Variants in AHNAK2 observed in about 807,000 individuals in gnomAD.
The protein encoded by AHNAK2 is protein AHNAK2.
A neutral mutation model predicts 30.7 loss-of-function variants in AHNAK2; 18 were observed. The observed-to-expected ratio is 0.59, with a 90% CI of 0.41 to 0.87. AHNAK2 has a LOEUF of 0.87. AHNAK2 is among the 40% of genes least tolerant of loss of function. AHNAK2 has a pLI of 0.00. For missense variants in AHNAK2, 8,604 were observed against 7,373.0 expected (o/e 1.17, Z -6.11); for synonymous variants, 3,590 against 3,073.8 (o/e 1.17, Z -5.56).
rs576902361 is a variant in AHNAK2 at position 104,953,018 on chromosome 14, A to G, written c.2433T>C (p.Asp811=). ...ACAGGTCCCCCTCCAGCCGCGCACC[A>G]TCCAGCTTTGCTCTCGGGGCCTGGA... ...VDVQAPRAKL[D]GARLEGDLSL... is the part of the protein sequence containing the mutation. Residue 811 remains aspartate, a synonymous_variant, in exon 7 of 7, where the codon GAT becomes GAC. Transcript: ENST00000333244. The G allele has an allele frequency of 2.5e-5, 41 of 1,612,556 alleles. No individual in the cohort carries two copies. In the African/African-American group the frequency reaches 4.3e-4, roughly 17 times the overall value.
rs370033379 is a variant in AHNAK2 at position 104,947,812 on chromosome 14, C to T, written c.7639G>A (p.Val2547Met). ...SADLEVQAGQVDVKLPEGPVP... is the reference protein window; with the variant it reads ...SADLEVQAGQMDVKLPEGPVP... ...GGGCCCTCTGGGAGTTTCACGTCCA[C>T]TTGGCCAGCCTGGACCTCCAGGTCA... Residue 2547 changes from valine (V) to methionine (M), a missense_variant, in exon 7 of 7, where the codon GTG (valine) becomes ATG (methionine). Transcript: ENST00000333244. 28 of 1,612,654 alleles carry T rather than the reference C, an allele frequency of 1.7e-5. No homozygotes were observed. In the East Asian group the frequency reaches 2.7e-4, roughly 15 times the overall value.
Position 104,943,791 on chromosome 14 carries a change from G to C in AHNAK2, c.11660C>G (p.Pro3887Arg), listed in dbSNP as rs773729186. The change falls in exon 7 of 7, where the codon CCC (proline) becomes CGC (arginine). Residue 3887 changes from proline to arginine, a missense_variant. Coordinates refer to ENST00000333244, the MANE Select transcript of AHNAK2 (RefSeq NM_138420.4). ...CTTGAAACTGGGCATCTGCACCTTG[G>C]GCAGGTGTCCTTTGAGGCCGGCTTC... ...PEEAGLKGHLPKVQMPSFKMP... is the reference protein window; with the variant it reads ...PEEAGLKGHLRKVQMPSFKMP... The C allele has an allele frequency of 1.2e-6, 2 of 1,613,018 alleles. No homozygotes were observed. Among genetic ancestry groups the C allele is most frequent in the Admixed American group, 3.3e-5 (2 of 59,940 alleles).
chr14:104,945,370 G>T lies in AHNAK2; in HGVS notation c.10081C>A (p.Pro3361Thr). The change falls in exon 7 of 7, where the codon CCT becomes ACT. Residue 3361 changes from proline (P) to threonine (T), a missense_variant. By Grantham distance (38) the Pro-to-Thr change is conservative. Transcript: ENST00000333244. ...GCCTGGACCTCCAGGTCCACAGAAG[G>T]GAGCTGAATGCTGAGGTCAGTGGTC... ...LKTTDLSIQLPSVDLEVQAGQ... is the reference protein window; with the variant it reads ...LKTTDLSIQLTSVDLEVQAGQ... The T allele has an allele frequency of 6.2e-7, 1 of 1,612,676 alleles. No homozygotes were observed. Among genetic ancestry groups the T allele is most frequent in the Non-Finnish European group, 8.5e-7 (1 of 1,179,528 alleles).
At position 104,954,432 on chromosome 14, in the gene AHNAK2, C is replaced by T. The variant is rs1898906559; in HGVS notation, c.1019G>A (p.Gly340Glu). ...ACTCTGGAACCCCCTGCCTGGCTGT[C>T]CTGTCGATGAAGGGCCCTGTCCCGA... is the stretch of plus-strand genomic sequence containing the variant. ...TGSGQGPSST[G>E]QPGRGFQSGV... The change falls in exon 7 of 7, where the codon GGA (glycine) becomes GAA (glutamate). Residue 340 changes from glycine to glutamate, a missense_variant. Gly to Glu is a moderately conservative substitution (Grantham distance 98). Coordinates refer to ENST00000333244, the MANE Select transcript of AHNAK2 (RefSeq NM_138420.4). The surrounding 1 kb of genome is among the most constrained non-coding windows in gnomAD (Gnocchi z 4.3). 6.2e-7 allele frequency: 1 copy of T among 1,612,710 alleles called. No individual in the cohort carries two copies.
rs777426630 is a variant in AHNAK2 at position 104,949,040 on chromosome 14, C to G, written c.6411G>C (p.Gly2137=). ...GGTCCTTGTTGGCCAGGGTCAGGTC[C>G]CCCTGCAGATGCGCACTATCCAGCT... The part of the protein sequence containing the change: ...RAKLDSAHLQ[G]DLTLANKDLT... Residue 2137 remains glycine (G), a synonymous_variant, in exon 7 of 7, where the codon GGG becomes GGC. Transcript: ENST00000333244. 8.4e-6 allele frequency: 9 copies of G among 1,067,214 alleles called. 4 individuals are homozygous for G. In the South Asian group the frequency reaches 1.1e-4, roughly 13 times the overall value. The allele number at this position is 1,067,214 out of a possible 1,614,324, so 66.1% of individuals were successfully genotyped here. A position where few individuals can be genotyped will look rare whatever the true frequency, so the allele number is the denominator to read the frequency against.
At chr14:104,961,988 C>T (rs1480161462) in intron 1 of AHNAK2, among the ~76,000 whole-genome samples, 1 of 152,050 alleles carries the variant, frequency 6.6e-6, no homozygotes, top group Non-Finnish European at 1.5e-5. Context: ...ACAAACAAAC[C>T]AAAAAACACC....
chr14:104,938,542 GT>G lies in AHNAK2; in HGVS notation c.16908del (p.Lys5636AsnfsTer67). The G allele has an allele frequency of 6.2e-7, 1 of 1,613,352 alleles. No individual in the cohort carries two copies. Among genetic ancestry groups the G allele is most frequent in the Non-Finnish European group, 8.5e-7 (1 of 1,179,746 alleles). ...AGCAGACCAGATTTTTTACTTTCTG[GT>G]TTGTCTTTTGGAGCCCTGCCTTCAT... The part of the protein sequence containing the change: ...LADEGRAPKD[K>X]PESKKSGLLW... On this transcript the variant is annotated frameshift_variant, in exon 7 of 7. Transcript: ENST00000333244. LOFTEE classifies it low-confidence loss of function (END_TRUNC).
In AHNAK2 at chr14:104,947,959, G is replaced by A. The variant is rs1595405308; in HGVS notation, c.7492C>T (p.Pro2498Ser). The part of the protein sequence containing the change: ...FKMPSFGVSA[P>S]GKSIEASVDV... ...ACCGAGGCCTCGATGGACTTGCCTG[G>A]GGCAGACACCCCGAATGACGGCATC... The change falls in exon 7 of 7, where the codon CCA becomes TCA. Residue 2498 changes from proline to serine, a missense_variant. Coordinates refer to ENST00000333244, the MANE Select transcript of AHNAK2 (RefSeq NM_138420.4). 4.3e-6 allele frequency: 7 copies of A among 1,612,898 alleles called. No homozygotes were observed. The East Asian group carries it at 6.7e-5, about 15-fold the overall frequency.
intron 1 of AHNAK2, among the ~76,000 whole-genome samples, chr14:104,959,179 A>T (rs1181487563): frequency 6.6e-6 from 1 of 152,030 alleles, no homozygotes; most frequent in Non-Finnish European, 1.5e-5. Flanking sequence ...TACAAAAAAA[A>T]ATTTTTTTTT....
At position 104,945,057 on chromosome 14, in the gene AHNAK2, T is replaced by A; in HGVS notation, c.10394A>T (p.Asp3465Val). Reference protein sequence around the residue: ...LEGDLSLAEKDVTAKDSKFKM... With the variant: ...LEGDLSLAEKVVTAKDSKFKM... Reference sequence around the variant, plus strand: ...GAACTTGCTGTCTTTGGCAGTCACATCCTTTTCAGCCAGGGACAGGTCCCC... The same window carrying A: ...GAACTTGCTGTCTTTGGCAGTCACAACCTTTTCAGCCAGGGACAGGTCCCC... The change falls in exon 7 of 7, where the codon GAT (aspartate) becomes GTT (valine). Residue 3465 changes from aspartate (D) to valine (V), a missense_variant. Physicochemically the swap from Asp to Val is radical, Grantham distance 152. Transcript: ENST00000333244. 1 of 1,612,792 alleles carries A rather than the reference T, an allele frequency of 6.2e-7. No homozygotes were observed. Among genetic ancestry groups the A allele is most frequent in the South Asian group, 1.1e-5 (1 of 91,004 alleles).
Position 104,948,504 on chromosome 14 carries a change from C to T in AHNAK2, c.6947G>A (p.Ser2316Asn). 5 of 1,610,692 alleles carry T rather than the reference C, an allele frequency of 3.1e-6. No homozygotes were observed. Among genetic ancestry groups the T allele is most frequent in the Non-Finnish European group, 4.2e-6 (5 of 1,178,668 alleles). Residue 2316 changes from serine (S) to asparagine (N), a missense_variant, in exon 7 of 7, where the codon AGC becomes AAC. Coordinates refer to ENST00000333244, the MANE Select transcript of AHNAK2 (RefSeq NM_138420.4). ...LADKDVTAKD[S>N]KFKMPKFKML... The stretch of plus-strand genomic sequence containing the variant: ...CTTGAACTTGGGCATTTTGAACTTG[C>T]TGTCTTTGGCAGTCACGTCCTTGTC...
Position 104,938,036 on chromosome 14 carries a change from C to A in AHNAK2, c.*27G>T. On this transcript the variant is annotated 3_prime_UTR_variant, in exon 7 of 7. Transcript: ENST00000333244. ...TACTTTCCAACTTAGTTTTTTGCAT[C>A]TCTCTTGTACTGATGAGCCATACCT... 6.3e-7 allele frequency: 1 copy of A among 1,579,646 alleles called. No homozygotes were observed.
At chr14:104,967,454 G>A (rs1899336970) in intron 1 of AHNAK2, among the ~76,000 whole-genome samples, 1 of 152,230 alleles carries the variant, frequency 6.6e-6, no homozygotes, top group Non-Finnish European at 1.5e-5. Context: ...GCCGGTGAGG[G>A]AGGGTGTCGA....
rs1458883541 is a variant in AHNAK2 at position 104,941,864 on chromosome 14, C to G, written c.13587G>C (p.Leu4529Phe). 1 of 1,613,428 alleles carries G rather than the reference C, an allele frequency of 6.2e-7. No homozygotes were observed. Among genetic ancestry groups the G allele is most frequent in the South Asian group, 1.1e-5 (1 of 91,054 alleles). ...DLEVQAGQVDLKLPEGHMPEV... is the reference protein window; with the variant it reads ...DLEVQAGQVDFKLPEGHMPEV... ...CGGGCATGTGGCCTTCTGGAAGTTT[C>G]AAGTCCACCTGGCCAGCCTGGACCT... is the stretch of plus-strand genomic sequence containing the variant. Residue 4529 changes from leucine to phenylalanine, a missense_variant, in exon 7 of 7, where the codon TTG becomes TTC. Physicochemically the swap from Leu to Phe is conservative, Grantham distance 22. Coordinates refer to ENST00000333244, the MANE Select transcript of AHNAK2 (RefSeq NM_138420.4).
chr14:104,941,996 C>G lies in AHNAK2; in HGVS notation c.13455G>C (p.Ser4485=). The change falls in exon 7 of 7, where the codon TCG becomes TCC. Residue 4485 remains serine (S), a synonymous_variant. Coordinates refer to ENST00000333244, the MANE Select transcript of AHNAK2 (RefSeq NM_138420.4). ...CCATCTTTGGCGCAGACACATCCAC[C>G]GAGACCTCGATGGACTTGCCTGGGG... ...MLSPGKSIEV[S]VDVSAPKMEA... is the part of the protein sequence containing the mutation. 6.2e-7 allele frequency: 1 copy of G among 1,613,542 alleles called. No individual in the cohort carries two copies. Among genetic ancestry groups the G allele is most frequent in the Non-Finnish European group, 8.5e-7 (1 of 1,179,716 alleles).
At chr14:104,964,400 C>A (rs1334562935) in intron 1 of AHNAK2, among the ~76,000 whole-genome samples, 1 of 151,996 alleles carries the variant, frequency 6.6e-6, no homozygotes, top group Non-Finnish European at 1.5e-5. Flanking sequence ...GGTCAGCTGG[C>A]GCAACCACTT....
Position 104,947,563 on chromosome 14 carries a change from G to A in AHNAK2, c.7888C>T (p.Leu2630=), listed in dbSNP as rs1469752345. ...APRAKLDGAR[L]EGDLSLADKG... is the part of the protein sequence containing the mutation. ...TCGGCCAGGGACAGGTCCCCCTCCAGCCGCGCACCATCCAGCTTTGCTCTC... is the reference window on the plus strand; with the variant it reads ...TCGGCCAGGGACAGGTCCCCCTCCAACCGCGCACCATCCAGCTTTGCTCTC... The change falls in exon 7 of 7, where the codon CTG becomes TTG. Residue 2630 remains leucine, a synonymous_variant. Coordinates refer to ENST00000333244, the MANE Select transcript of AHNAK2 (RefSeq NM_138420.4). 1.9e-6 allele frequency: 3 copies of A among 1,612,818 alleles called. No individual in the cohort carries two copies. The South Asian group carries it at 3.3e-5, about 18-fold the overall frequency.
intron 1 of AHNAK2, among the ~76,000 whole-genome samples, chr14:104,961,203 T>C (rs774568850): frequency 1.3e-5 from 2 of 149,652 alleles, no homozygotes; most frequent in Non-Finnish European, 3.0e-5. Flanking sequence ...TATGACAGGA[T>C]GGGGATGGAG....
At position 104,941,099 on chromosome 14, in the gene AHNAK2, G is replaced by C. The variant is rs1897966530; in HGVS notation, c.14352C>G (p.Leu4784=). 1.2e-6 allele frequency: 2 copies of C among 1,613,710 alleles called. No individual in the cohort carries two copies. The highest frequency in any genetic ancestry group is 1.7e-6 in the Non-Finnish European group (2 of 1,179,894). The part of the protein sequence containing the change: ...LTGPHFESSI[L]SPCEDVTLTK... ...TAAGTGTAACATCCTCACAGGGAGA[G>C]AGAATAGAAGATTCAAAGTGAGGAC... The change falls in exon 7 of 7, where the codon CTC becomes CTG. Residue 4784 remains leucine (L), a synonymous_variant. Transcript: ENST00000333244.
Sources: allele counts gnomAD v4.1 joint callset (sites outside exome capture counted in the v4.1 genomes callset), GRCh38; gene constraint gnomAD v4.1.1; non-coding constraint Gnocchi (gnomAD v3.1); transcripts MANE v1.5; gene names NCBI Gene and HGNC (gene_info 2026-07-23, HGNC 2026-07-21).